The following SOX13 variants were observed in gnomAD, a reference collection of about 807,000 sequenced individuals.
SOX13 encodes the protein SRY-box transcription factor 13, also known as transcription factor SOX-13.
In SOX13, 28 loss-of-function variants were observed where a neutral mutation model predicts 71.8. The observed-to-expected ratio is 0.39, with a 90% confidence interval of 0.29 to 0.53. SOX13 has a LOEUF of 0.53. Among genes scored for constraint, SOX13 ranks in the 20% least tolerant of loss-of-function variants. SOX13 has a pLI of 0.70. For synonymous variants in SOX13, 309 were observed against 317.8 expected (o/e 0.97, Z 0.29); for missense variants, 627 against 810.3 (o/e 0.77, Z 2.75).
At chr1:204,083,371 A>G (rs1424149699) in intron 1 of SOX13, among the ~76,000 whole-genome samples, 1 of 152,088 alleles carries the variant, frequency 6.6e-6, no homozygotes, top group Admixed American at 6.5e-5. Context: ...GAAGAGAGGA[A>G]GTTTCTGCCT....
intron 12 of SOX13, 35 bp from the exon 13 acceptor site, chr1:204,124,606 A>G (rs771291902): frequency 3.6e-5 from 57 of 1,570,548 alleles, no homozygotes; most frequent in Non-Finnish European, 4.9e-5. Context: ...AGCAGAGCCC[A>G]GCACTGACTG....
rs755997091 is a variant in SOX13 at position 204,113,080 on chromosome 1, C to T, written c.165C>T (p.Ser55=). 1.9e-6 allele frequency: 3 copies of T among 1,597,856 alleles called. No individual in the cohort carries two copies. The highest frequency in any genetic ancestry group is 2.3e-5 in the South Asian group (2 of 88,626). Residue 55 remains serine (S), a synonymous_variant, in exon 2 of 14, where the codon TCC becomes TCT. Transcript: ENST00000367204. The part of the protein sequence containing the change: ...EPQPGDPARA[S]QDSADPQAPA... ...AGCCTGGAGACCCAGCCCGGGCCTC[C>T]CAGGATAGTGCTGACCCCCAAGCTC...
intron 5 of SOX13, 93 bp downstream of exon 5, chr1:204,116,772 G>C (rs114675425): frequency 0.017 from 26,007 of 1,548,418 alleles, 261 homozygotes; most frequent in Non-Finnish European, 0.019. Context: ...CCTCACCAGT[G>C]CAAGCTGGGG....
intron 1 of SOX13, among the ~76,000 whole-genome samples, chr1:204,089,183 G>C (rs777145553): frequency 4.5e-4 from 53 of 117,940 alleles, no homozygotes; most frequent in Middle Eastern, 3.9e-3. Flanking sequence ...GAAGATGCAT[G>C]GGGGGGTGGG....
intron 4 of SOX13, among the ~76,000 whole-genome samples, chr1:204,115,492 T>TTAAAA (rs1491309003): frequency 8.0e-5 from 4 of 49,926 alleles, no homozygotes; most frequent in Admixed American, 3.4e-4. Context: ...TTTTTTTTTT[T>TTAAAA]AAAAAAAAAA....
rs572858097 is a variant in SOX13 at position 204,085,299 on chromosome 1, G to C, written c.-2+11588G>C. Among the ~76,000 whole-genome samples, 6 of 152,294 alleles carry C rather than the reference G, an allele frequency of 3.9e-5. No individual in the cohort carries two copies. The East Asian group carries it at 1.2e-3, about 29-fold the overall frequency. On this transcript the variant is annotated intron_variant, in intron 1 of 13. Transcript: ENST00000367204. ...CCTAACCATAGAGATGATAACAATT[G>C]TACCTGCCACAGGCTCATGGGGCTA...
chr1:204,088,720 G>C (rs1283200607), intron 1 of SOX13, among the ~76,000 whole-genome samples: 1 of 152,106 alleles, frequency 6.6e-6, no homozygotes, highest in Non-Finnish European at 1.5e-5. Flanking sequence ...TCTGGGCTTA[G>C]CACAGACGGC....
chr1:204,125,897 C>T lies in SOX13; in HGVS notation c.1632C>T (p.Val544=). The part of the protein sequence containing the change: ...AGQVQMSSSD[V]LYPRAAGMPL... ...AGGTGCAGATGAGCTCCTCAGATGTCCTGTACCCTCGGGCAGCAGGCATGC... is the reference window on the plus strand; with the variant it reads ...AGGTGCAGATGAGCTCCTCAGATGTTCTGTACCCTCGGGCAGCAGGCATGC... The change falls in exon 14 of 14, where the codon GTC becomes GTT. Residue 544 remains valine, a synonymous_variant. Coordinates refer to ENST00000367204, the MANE Select transcript of SOX13 (RefSeq NM_005686.3). 1.9e-6 allele frequency: 3 copies of T among 1,612,964 alleles called. No individual in the cohort carries two copies. Among genetic ancestry groups the T allele is most frequent in the Non-Finnish European group, 2.5e-6 (3 of 1,179,706 alleles).
At chr1:204,088,256 T>A (rs980443118) in intron 1 of SOX13, among the ~76,000 whole-genome samples, 3 of 152,162 alleles carry the variant, frequency 2.0e-5, no homozygotes, top group African/African-American at 7.2e-5. Flanking sequence ...AGCCACAAAG[T>A]GGGCTGAGAC....
Position 204,124,866 on chromosome 1 carries a change from G to C in SOX13, c.1592+9G>C. On this transcript the variant is annotated intron_variant, in intron 13 of 13. Transcript: ENST00000367204. ...CAGAGCTACGTGATCCCGTGAGCAG[G>C]CCCCCCCGCAGGCAGCCAGGAGACT... 1 of 1,550,584 alleles carries C rather than the reference G, an allele frequency of 6.4e-7. No individual in the cohort carries two copies. The highest frequency in any genetic ancestry group is 8.7e-7 in the Non-Finnish European group (1 of 1,145,016).
At position 204,116,682 on chromosome 1, in the gene SOX13, A is replaced by C; in HGVS notation, c.591+3A>C. On this transcript the variant is annotated splice_donor_region_variant and intron_variant, in intron 5 of 13. Transcript: ENST00000367204. Reference sequence around the variant, plus strand: ...TTGCCCGGCAGCAGCAGGAGCAGGTAGGTCCTGTTCGGTGGGTGTAGCTTT... The same window carrying C: ...TTGCCCGGCAGCAGCAGGAGCAGGTCGGTCCTGTTCGGTGGGTGTAGCTTT... 6.2e-7 allele frequency: 1 copy of C among 1,613,332 alleles called. No individual in the cohort carries two copies. The highest frequency in any genetic ancestry group is 2.2e-5 in the East Asian group (1 of 44,858).
intron 1 of SOX13, among the ~76,000 whole-genome samples, chr1:204,089,545 G>A (rs951867909): frequency 2.0e-5 from 3 of 152,202 alleles, no homozygotes; most frequent in South Asian, 4.1e-4. Context: ...AGGGGACCCC[G>A]GAAGAGGGGT....
chr1:204,117,019 T>C (rs16852889), intron 5 of SOX13, 103 bp from the exon 6 acceptor site: 64,439 of 1,178,662 alleles, frequency 0.055, 2,773 homozygotes, highest in African/African-American at 0.2. Context: ...CCCCACTCCA[T>C]GGCTTGCCCC....
In SOX13 at chr1:204,122,896, A is replaced by T; in HGVS notation, c.1067A>T (p.Asp356Val). 6.3e-7 allele frequency: 1 copy of T among 1,581,870 alleles called. No homozygotes were observed. The highest frequency in any genetic ancestry group is 1.2e-5 in the South Asian group (1 of 86,376). ...GACGCTGTCACCAAAGCCATCCAGG[A>T]TGCTCGGCAGCTGCTGCACAGCCAC... ...EGDAVTKAIQ[D>V]ARQLLHSHSG... The change falls in exon 10 of 14, where the codon GAT (aspartate) becomes GTT (valine). Residue 356 changes from aspartate to valine, a missense_variant. By Grantham distance (152) the Asp-to-Val change is radical. Around this residue, in one of 3 missense-constraint regions of SOX13, gnomAD observed 447 missense variants for 532.2 expected, o/e 0.84. Coordinates refer to ENST00000367204, the MANE Select transcript of SOX13 (RefSeq NM_005686.3).
chr1:204,126,247 A>G lies in SOX13; in HGVS notation c.*113A>G. On this transcript the variant is annotated 3_prime_UTR_variant, in exon 14 of 14. Transcript: ENST00000367204. The stretch of plus-strand genomic sequence containing the variant: ...TGGTACTTGGACTTGTTCGTGCCCC[A>G]GAGATGGGCAAAGCTGTGCACTTGC... 1 of 1,141,462 alleles carries G rather than the reference A, an allele frequency of 8.8e-7. No homozygotes were observed. Among genetic ancestry groups the G allele is most frequent in the Non-Finnish European group, 1.3e-6 (1 of 796,722 alleles). The allele number at this position is 1,141,462 out of a possible 1,614,324, so 70.7% of individuals were successfully genotyped here.
intron 1 of SOX13, among the ~76,000 whole-genome samples, chr1:204,111,956 T>C (rs1421153134): frequency 1.3e-5 from 2 of 152,256 alleles, no homozygotes; most frequent in Non-Finnish European, 2.9e-5. Context: ...ATGTCTTATA[T>C]AGTTAATACT....
At chr1:204,116,435 G>A in intron 4 of SOX13, 72 bp from the exon 5 acceptor site, 2 of 1,612,762 alleles carry the variant, frequency 1.2e-6, no homozygotes, top group South Asian at 2.2e-5. Flanking sequence ...CTGATGGATG[G>A]GTGGATAGAT....
At chr1:204,074,806 G>A (rs1204550095) in intron 1 of SOX13, among the ~76,000 whole-genome samples, 1 of 152,256 alleles carries the variant, frequency 6.6e-6, no homozygotes, top group African/African-American at 2.4e-5. Flanking sequence ...CGCCCTGGAG[G>A]GCCCGCGGCA....
At chr1:204,086,070 A>G (rs1207629578) in intron 1 of SOX13, among the ~76,000 whole-genome samples, 3 of 152,016 alleles carry the variant, frequency 2.0e-5, no homozygotes, top group East Asian at 1.9e-4. Flanking sequence ...AAGTATGAGT[A>G]TGTGTCCTAA....
Sources: gnomAD v4.1 joint callset for allele counts (sites outside exome capture counted in the v4.1 genomes callset) on GRCh38, gnomAD v4.1.1 for gene constraint, gnomAD v4.1.1 regional missense constraint, MANE v1.5 for transcripts, NCBI Gene and HGNC (gene_info 2026-07-23, HGNC 2026-07-21) for gene names.